The following TRABD2A variants were observed in gnomAD, a reference collection of about 807,000 sequenced individuals.
TRABD2A encodes TraB domain containing 2A.
Under a neutral mutation model 45.6 loss-of-function variants are expected in TRABD2A, and 43 were observed. That is an observed-to-expected ratio of 0.94 (90% CI 0.74 to 1.22). The LOEUF (loss-of-function observed/expected upper bound fraction) is 1.22. TRABD2A is among the 50% of genes most tolerant of loss of function. The pLI, the probability that TRABD2A is intolerant of heterozygous loss-of-function variation, is 0.00. For missense variants in TRABD2A, 642 were observed against 652.4 expected (o/e 0.98, Z 0.17); for synonymous variants, 269 against 265.0 (o/e 1.02, Z -0.15).
chr2:84,837,258 T>G (rs1681546718), intron 4 of TRABD2A: 1 of 152,272 alleles, frequency 6.6e-6, no homozygotes, highest in African/African-American at 2.4e-5. Flanking sequence ...CCTCCCAAAG[T>G]GCTGGGATTA....
rs778546730 is a variant in TRABD2A at position 84,870,681 on chromosome 2, G to A, written c.213C>T (p.Pro71=). ...GCAGGAAAGCCTCCTTAGAGTTGTC[G>A]GGGATGAAGTCCCAAACTCGGGTGT... ...VPYTRVWDFI[P]DNSKEAFLQS... is the part of the protein sequence containing the mutation. The change falls in exon 2 of 7, where the codon CCC becomes CCT. Residue 71 remains proline (P), a synonymous_variant. Coordinates refer to ENST00000409520, the MANE Select transcript of TRABD2A (RefSeq NM_001277053.2). 9.3e-6 allele frequency: 15 copies of A among 1,607,246 alleles called. No individual in the cohort carries two copies. Among genetic ancestry groups the A allele is most frequent in the African/African-American group, 2.7e-5 (2 of 74,786 alleles).
intron 2 of TRABD2A, among the ~76,000 whole-genome samples, chr2:84,845,564 CA>C (rs1347477375): frequency 5.7e-5 from 8 of 140,862 alleles, no homozygotes; most frequent in African/African-American, 1.8e-4. Flanking sequence ...TTGGGGGAGA[CA>C]AGGGCGGGGG....
At chr2:84,862,212 C>T (rs879054705) in intron 2 of TRABD2A, among the ~76,000 whole-genome samples, 1 of 152,348 alleles carries the variant, frequency 6.6e-6, no homozygotes, top group South Asian at 2.1e-4. Context: ...CCTTCTTCCT[C>T]TCCCCCAAGT....
intron 5 of TRABD2A, among the ~76,000 whole-genome samples, chr2:84,825,183 C>T (rs1254368455): frequency 1.3e-5 from 2 of 152,134 alleles, no homozygotes; most frequent in Non-Finnish European, 2.9e-5. Flanking sequence ...ATGTCTAGGG[C>T]TTTCCTCGTC....
chr2:84,876,429 G>A (rs79343473), intron 1 of TRABD2A, among the ~76,000 whole-genome samples: 6,350 of 152,234 alleles, frequency 0.042, 467 homozygotes, highest in African/African-American at 0.14. Flanking sequence ...GTAGGAGGCC[G>A]ATTGAAGAAA....
intron 5 of TRABD2A, among the ~76,000 whole-genome samples, chr2:84,827,632 C>CT (rs1651856455): frequency 1.3e-5 from 2 of 152,354 alleles, no homozygotes; most frequent in Admixed American, 6.5e-5. Flanking sequence ...GCTGTGAACA[C>CT]ATTACCTTAC....
At chr2:84,833,621 G>A (rs1681409364) in intron 4 of TRABD2A, 1 of 152,078 alleles carries the variant, frequency 6.6e-6, no homozygotes, top group Non-Finnish European at 1.5e-5. Flanking sequence ...AGTTTTAAAA[G>A]CACACGGTAA....
At chr2:84,850,069 C>T (rs1432990529) in intron 2 of TRABD2A, among the ~76,000 whole-genome samples, 3 of 152,122 alleles carry the variant, frequency 2.0e-5, no homozygotes, top group Non-Finnish European at 4.4e-5. Context: ...TCTCTAATGC[C>T]GTCTTGCCAA....
At chr2:84,852,028 G>A (rs1163324819) in intron 2 of TRABD2A, among the ~76,000 whole-genome samples, 1 of 152,174 alleles carries the variant, frequency 6.6e-6, no homozygotes, top group Non-Finnish European at 1.5e-5. Context: ...TAGAGAAGGG[G>A]GTCAGGATCA....
intron 2 of TRABD2A, among the ~76,000 whole-genome samples, chr2:84,867,102 TGTGA>T (rs2105405463): frequency 6.6e-6 from 1 of 152,184 alleles, no homozygotes; most frequent in South Asian, 2.1e-4. Flanking sequence ...ATACTCAGGT[TGTGA>T]GTATTTTACT....
chr2:84,877,292 C>T (rs1358262060), intron 1 of TRABD2A, among the ~76,000 whole-genome samples: 1 of 149,960 alleles, frequency 6.7e-6, no homozygotes. Flanking sequence ...CTATTTATCT[C>T]TACAAAAAAA....
intron 4 of TRABD2A, chr2:84,835,059 C>T (rs1019950939): frequency 6.6e-6 from 1 of 152,178 alleles, no homozygotes. Context: ...TTTTACTCTC[C>T]ATCTTTTTTA....
At chr2:84,827,640 T>TGTA (rs1681189561) in intron 5 of TRABD2A, among the ~76,000 whole-genome samples, 2 of 152,364 alleles carry the variant, frequency 1.3e-5, no homozygotes, top group Admixed American at 6.5e-5. Context: ...CACATTACCT[T>TGTA]ACACGGTAAA....
chr2:84,869,240 C>A (rs1682790500), intron 2 of TRABD2A, among the ~76,000 whole-genome samples: 1 of 152,194 alleles, frequency 6.6e-6, no homozygotes, highest in Non-Finnish European at 1.5e-5. Context: ...AGGAACAAAA[C>A]CTCAACGTGA....
chr2:84,864,037 T>G (rs566566772), intron 2 of TRABD2A, among the ~76,000 whole-genome samples: 1 of 152,156 alleles, frequency 6.6e-6, no homozygotes, highest in South Asian at 2.1e-4. Flanking sequence ...GATCTCCTGC[T>G]TTTTTTGGAA....
Position 84,824,197 on chromosome 2 carries a change from T to C in TRABD2A, c.1090A>G (p.Ser364Gly). The change falls in exon 6 of 7, where the codon AGT becomes GGT. Residue 364 changes from serine to glycine, a missense_variant. Coordinates refer to ENST00000409520, the MANE Select transcript of TRABD2A (RefSeq NM_001277053.2). ...GTGGGCCGTGTGGAGGTCTTTTTAC[T>C]CTTCCCTCTGTACGCAAGTGGAAGG... is the stretch of plus-strand genomic sequence containing the variant. Reference protein sequence around the residue: ...PAGRPIHKGKSKKTSTRPTLS... With the variant: ...PAGRPIHKGKGKKTSTRPTLS... 3.7e-6 allele frequency: 6 copies of C among 1,613,860 alleles called. No homozygotes were observed. Among genetic ancestry groups the C allele is most frequent in the Non-Finnish European group, 5.1e-6 (6 of 1,179,848 alleles).
At chr2:84,846,178 G>A (rs1316841356) in intron 2 of TRABD2A, among the ~76,000 whole-genome samples, 1 of 152,206 alleles carries the variant, frequency 6.6e-6, no homozygotes, top group Non-Finnish European at 1.5e-5. Flanking sequence ...AAGGAAGTTT[G>A]AACAGTGGGC....
At chr2:84,861,972 A>G (rs1280186752) in intron 2 of TRABD2A, among the ~76,000 whole-genome samples, 3 of 152,240 alleles carry the variant, frequency 2.0e-5, no homozygotes, top group Non-Finnish European at 4.4e-5. Context: ...GGAAGAGTTC[A>G]GGGAGGTACA....
intron 2 of TRABD2A, among the ~76,000 whole-genome samples, chr2:84,859,950 G>A (rs532540373): frequency 1.6e-5 from 2 of 123,050 alleles, no homozygotes; most frequent in Non-Finnish European, 3.2e-5. Context: ...TTGGAGAGAT[G>A]GGGGGGGGTC....
Sources: gnomAD v4.1 joint callset for allele counts (sites outside exome capture counted in the v4.1 genomes callset) on GRCh38, gnomAD v4.1.1 for gene constraint, MANE v1.5 for transcripts, NCBI Gene and HGNC (gene_info 2026-07-23, HGNC 2026-07-21) for gene names.